The following SUCLG1 variants were observed in gnomAD, a reference collection of about 807,000 sequenced individuals.
The protein encoded by SUCLG1 is succinate--CoA ligase [ADP/GDP-forming] subunit alpha, mitochondrial.
SUCLG1 carries 26 observed loss-of-function variants against 37.3 expected under a neutral mutation model. The ratio of observed to expected loss-of-function variants is 0.70; its 90% confidence interval spans 0.51 to 0.97. SUCLG1 has a LOEUF of 0.97. Among genes scored for constraint, SUCLG1 ranks in the 50% least tolerant of loss-of-function variants. The pLI, the probability that SUCLG1 is intolerant of heterozygous loss-of-function variation, is 0.00. For missense variants in SUCLG1, 433 were observed against 432.9 expected (o/e 1.00, Z 0.00); for synonymous variants, 163 against 155.6 (o/e 1.05, Z -0.36).
At chr2:84,437,540 C>T (rs765418525) in intron 5 of SUCLG1, among the ~76,000 whole-genome samples, 1 of 152,200 alleles carries the variant, frequency 6.6e-6, no homozygotes, top group Non-Finnish European at 1.5e-5. Context: ...AGTGACACCA[C>T]CAAATGCTGG....
chr2:84,431,945 G>A (rs2104243696), intron 6 of SUCLG1, among the ~76,000 whole-genome samples: 1 of 152,284 alleles, frequency 6.6e-6, no homozygotes, highest in South Asian at 2.1e-4. Context: ...CCTTTATCAA[G>A]CCTCTTCTGT....
At chr2:84,423,805 G>A in intron 8 of SUCLG1, 33 bp from the exon 9 acceptor site, 1 of 1,594,172 alleles carries the variant, frequency 6.3e-7, no homozygotes, top group Admixed American at 1.7e-5. Flanking sequence ...GAAGAGAGAT[G>A]GAATGAATAA....
In SUCLG1 at chr2:84,451,857, C is replaced by T. The variant is rs374911042; in HGVS notation, c.98-2105G>A. ...CCAGGCCTGGGCTCATACAGACCCA[C>T]TTCTAGATAAGCTGGAACTAACAGA... is the stretch of plus-strand genomic sequence containing the variant. On this transcript the variant is annotated intron_variant, in intron 1 of 8. Coordinates refer to ENST00000393868, the MANE Select transcript of SUCLG1 (RefSeq NM_003849.4). Among the ~76,000 whole-genome samples the T allele has an allele frequency of 5.3e-5, 8 of 152,314 alleles. No individual in the cohort carries two copies. In the East Asian group the frequency reaches 9.6e-4, roughly 18 times the overall value.
intron 1 of SUCLG1, among the ~76,000 whole-genome samples, chr2:84,454,279 T>C (rs1360973955): frequency 6.6e-6 from 1 of 152,252 alleles, no homozygotes; most frequent in Non-Finnish European, 1.5e-5. Context: ...ATGTGCAGTA[T>C]GCACAAATAT....
At chr2:84,447,037 G>A (rs1199971545) in intron 2 of SUCLG1, among the ~76,000 whole-genome samples, 3 of 152,134 alleles carry the variant, frequency 2.0e-5, no homozygotes, top group Non-Finnish European at 2.9e-5. Flanking sequence ...TACAATGTTA[G>A]GAACAGTAAT....
rs771657618 is a variant in SUCLG1, at chr2:84,433,333, T to C, written c.673+19A>G. On this transcript the variant is annotated intron_variant, in intron 6 of 8. Transcript: ENST00000393868. ...AGACACCACACTCCAATAAAATGAT[T>C]TTAGCAAAAGTCCCTCACCAACGCA... 1.9e-6 allele frequency: 3 copies of C among 1,611,374 alleles called. No individual in the cohort carries two copies. Among genetic ancestry groups the C allele is most frequent in the Non-Finnish European group, 2.5e-6 (3 of 1,177,626 alleles).
In SUCLG1 at chr2:84,440,576, C is replaced by T. The variant is rs537332170; in HGVS notation, c.589+471G>A. On this transcript the variant is annotated intron_variant, in intron 5 of 8. Transcript: ENST00000393868. ...TCCTACACATTTTGCCCAAGAGAAACGAAAATGTTTCCACAAAAAGACCTG... is the reference window on the plus strand; with the variant it reads ...TCCTACACATTTTGCCCAAGAGAAATGAAAATGTTTCCACAAAAAGACCTG... Among the ~76,000 whole-genome samples, 9 of 152,212 alleles carry T rather than the reference C, an allele frequency of 5.9e-5. No homozygotes were observed. In the South Asian group the frequency reaches 8.3e-4, roughly 14 times the overall value.
chr2:84,459,255 A>C lies in SUCLG1; in HGVS notation c.15T>G (p.Leu5=). 1 of 1,550,630 alleles carries C rather than the reference A, an allele frequency of 6.4e-7. No homozygotes were observed. The highest frequency in any genetic ancestry group is 1.2e-5 in the South Asian group (1 of 84,040). MTAT[L]AAAADIATMV... The stretch of plus-strand genomic sequence containing the variant: ...TGGTAGCGATGTCAGCGGCAGCGGC[A>C]AGGGTTGCGGTCATACGCCAATGAC... Residue 5 remains leucine, a synonymous_variant, in exon 1 of 9, where the codon CTT becomes CTG. Coordinates refer to ENST00000393868, the MANE Select transcript of SUCLG1 (RefSeq NM_003849.4).
intron 2 of SUCLG1, among the ~76,000 whole-genome samples, chr2:84,444,655 T>A (rs1573371946): frequency 6.6e-6 from 1 of 152,270 alleles, no homozygotes; most frequent in African/African-American, 2.4e-5. Context: ...CAAAAATTAT[T>A]AGGCGGGAAT....
chr2:84,429,729 A>G (rs900098475), intron 7 of SUCLG1, among the ~76,000 whole-genome samples: 5 of 152,218 alleles, frequency 3.3e-5, no homozygotes, highest in Admixed American at 2.6e-4. Context: ...AATGGGAAAC[A>G]TTACATGGGA....
intron 7 of SUCLG1, among the ~76,000 whole-genome samples, chr2:84,429,364 T>TC (rs1410039485): frequency 6.6e-6 from 1 of 152,170 alleles, no homozygotes; most frequent in Non-Finnish European, 1.5e-5. Flanking sequence ...ACCGAAACTT[T>TC]TTTTTTTAAA....
At chr2:84,451,412 T>C (rs1022220260) in intron 1 of SUCLG1, among the ~76,000 whole-genome samples, 1 of 152,158 alleles carries the variant, frequency 6.6e-6, no homozygotes, top group Non-Finnish European at 1.5e-5. Context: ...GTAGGTAAAG[T>C]TTGGTTCTGC....
chr2:84,454,226 TTA>T (rs1218689340), intron 1 of SUCLG1, among the ~76,000 whole-genome samples: 5 of 152,240 alleles, frequency 3.3e-5, no homozygotes, highest in South Asian at 2.1e-4. Flanking sequence ...TGTGTACATC[TTA>T]TATGTTTATT....
intron 3 of SUCLG1, 32 bp from the exon 4 acceptor site, chr2:84,441,491 T>C: frequency 6.2e-7 from 1 of 1,601,210 alleles, no homozygotes; most frequent in Non-Finnish European, 8.5e-7. Context: ...ACCTTATTAT[T>C]TGTTAAATCA....
At chr2:84,443,424 C>G (rs374486728) in intron 2 of SUCLG1, 24 bp from the exon 3 acceptor site, 7 of 1,605,004 alleles carry the variant, frequency 4.4e-6, no homozygotes, top group Non-Finnish European at 6.0e-6. Flanking sequence ...GCACAAGATC[C>G]ATGAGAAACA....
At chr2:84,456,131 T>A (rs1673016039) in intron 1 of SUCLG1, among the ~76,000 whole-genome samples, 1 of 152,108 alleles carries the variant, frequency 6.6e-6, no homozygotes, top group Non-Finnish European at 1.5e-5. Flanking sequence ...TTTAAATGCA[T>A]CTCTGATTCG....
At chr2:84,452,142 T>G (rs1292344599) in intron 1 of SUCLG1, among the ~76,000 whole-genome samples, 2 of 150,848 alleles carry the variant, frequency 1.3e-5, no homozygotes, top group South Asian at 4.2e-4. Flanking sequence ...TGAACTCATA[T>G]AAAAGTGGGC....
At chr2:84,452,400 G>A (rs1381630293) in intron 1 of SUCLG1, among the ~76,000 whole-genome samples, 1 of 152,146 alleles carries the variant, frequency 6.6e-6, no homozygotes, top group African/African-American at 2.4e-5. Flanking sequence ...AAGATTTAAT[G>A]TCCTCAACTT....
chr2:84,455,391 G>A (rs1308441905), intron 1 of SUCLG1, among the ~76,000 whole-genome samples: 1 of 152,152 alleles, frequency 6.6e-6, no homozygotes, highest in Non-Finnish European at 1.5e-5. Context: ...CTAGTCGGGA[G>A]GCTGAGGCAG....
Sources: allele counts gnomAD v4.1 joint callset (sites outside exome capture counted in the v4.1 genomes callset), GRCh38; gene constraint gnomAD v4.1.1; transcripts MANE v1.5; gene names NCBI Gene and HGNC (gene_info 2026-07-23, HGNC 2026-07-21).